The following GRAMD1B variants were observed in gnomAD, a reference collection of about 807,000 sequenced individuals.
The protein encoded by GRAMD1B is protein Aster-B.
GRAMD1B carries 37 observed loss-of-function variants against 99.7 expected under a neutral mutation model. The ratio of observed to expected loss-of-function variants is 0.37; its 90% confidence interval spans 0.29 to 0.49. The LOEUF is 0.49. Ranked by LOEUF, GRAMD1B falls within the 20% of genes least tolerant of loss-of-function variation. GRAMD1B has a pLI of 0.98. For synonymous variants in GRAMD1B, 427 were observed against 387.6 expected, an observed-to-expected ratio of 1.10 and a Z score of -1.19; for missense variants, 888 against 1,009.2, an observed-to-expected ratio of 0.88 and a Z score of 1.63.
intron 2 of GRAMD1B, among the ~76,000 whole-genome samples, chr11:123,535,499 G>A (rs779180871): frequency 5.3e-5 from 8 of 152,132 alleles, no homozygotes; most frequent in Non-Finnish European, 1.2e-4. Context: ...ACAATTGAGA[G>A]AAGGTTTGCT....
intron 1 of GRAMD1B, among the ~76,000 whole-genome samples, chr11:123,382,444 T>G (rs1946910522): frequency 6.6e-6 from 1 of 152,184 alleles, no homozygotes; most frequent in African/African-American, 2.4e-5. Context: ...GATTTTTAAA[T>G]TATTTTGGCT....
At chr11:123,369,599 C>T (rs753679355) in intron 1 of GRAMD1B, among the ~76,000 whole-genome samples, 1 of 152,074 alleles carries the variant, frequency 6.6e-6, no homozygotes, top group East Asian at 1.9e-4. Context: ...TGGCCAGGCA[C>T]GGTGGCTCAT....
intron 2 of GRAMD1B, among the ~76,000 whole-genome samples, chr11:123,521,735 T>C (rs990195894): frequency 6.6e-6 from 1 of 152,232 alleles, no homozygotes; most frequent in Non-Finnish European, 1.5e-5. Flanking sequence ...TGTACATTTC[T>C]TTCAAGTTTA....
intron 1 of GRAMD1B, among the ~76,000 whole-genome samples, chr11:123,410,857 A>G (rs1277934053): frequency 6.6e-6 from 1 of 152,040 alleles, no homozygotes; most frequent in African/African-American, 2.4e-5. Context: ...GGCAAGCTTT[A>G]TTTTATTTAT....
chr11:123,396,383 C>T (rs887205832), intron 1 of GRAMD1B, among the ~76,000 whole-genome samples: 1 of 151,946 alleles, frequency 6.6e-6, no homozygotes, highest in African/African-American at 2.4e-5. Flanking sequence ...TTAAGCAATT[C>T]TCCTGCCTCA....
intron 1 of GRAMD1B, among the ~76,000 whole-genome samples, chr11:123,396,566 A>G (rs988280978): frequency 6.6e-6 from 1 of 151,640 alleles, no homozygotes; most frequent in Non-Finnish European, 1.5e-5. Context: ...ATGAGCCACC[A>G]CTCCCAGCCC....
intron 1 of GRAMD1B, among the ~76,000 whole-genome samples, chr11:123,367,925 C>T (rs937117739): frequency 4.6e-5 from 7 of 151,850 alleles, no homozygotes; most frequent in East Asian, 1.9e-4. Flanking sequence ...CATCAAAATT[C>T]GGTAGCAGGT....
chr11:123,506,354 C>T (rs1416262569), intron 2 of GRAMD1B, among the ~76,000 whole-genome samples: 1 of 151,910 alleles, frequency 6.6e-6, no homozygotes, highest in African/African-American at 2.4e-5. Context: ...ACCCACGCCC[C>T]TGCCAGAACT....
intron 1 of GRAMD1B, among the ~76,000 whole-genome samples, chr11:123,466,045 G>C (rs1026735047): frequency 2.6e-5 from 4 of 152,058 alleles, no homozygotes; most frequent in African/African-American, 9.7e-5. Context: ...TGGGGCCTAC[G>C]CGGGCGGATC....
At chr11:123,560,232 G>T (rs1946585528) in intron 2 of GRAMD1B, 1 of 1,067,506 alleles carries the variant, frequency 9.4e-7, no homozygotes, top group African/African-American at 1.7e-5. Context: ...GTGTCTGAGT[G>T]TGTCTGTGCG....
chr11:123,546,983 G>A (rs74905964), intron 2 of GRAMD1B, among the ~76,000 whole-genome samples: 1,881 of 152,254 alleles, frequency 0.012, 44 homozygotes, highest in African/African-American at 0.041. Context: ...GACACAACCT[G>A]TCAACCTGTC....
intron 2 of GRAMD1B, among the ~76,000 whole-genome samples, chr11:123,527,444 A>G (rs1942906858): frequency 6.6e-6 from 1 of 152,324 alleles, no homozygotes; most frequent in Non-Finnish European, 1.5e-5. Flanking sequence ...GTAACTCTCA[A>G]GAACTGCGAG....
rs569449715 is a variant in GRAMD1B, at chr11:123,456,913, C to G, written c.375-23903C>G. ...CCAGCCTGGGCGACAGAGGGAGACT[C>G]TGTCTCAAAAAAAAAAAAAAAAAAG... is the stretch of plus-strand genomic sequence containing the variant. On this transcript the variant is annotated intron_variant, in intron 1 of 19. Coordinates refer to ENST00000635736, the MANE Select transcript of GRAMD1B (RefSeq NM_001387025.1). Among the ~76,000 whole-genome samples, 133 of 114,034 alleles carry G rather than the reference C, an allele frequency of 1.2e-3. 1 individual carries two copies. The highest frequency in any genetic ancestry group is 6.0e-4 in the Non-Finnish European group (34 of 56,988). The allele number at this position is 114,034 out of a possible 152,430, so 74.8% of individuals were successfully genotyped here. A position where few individuals can be genotyped will look rare whatever the true frequency, so the allele number is the denominator to read the frequency against.
At chr11:123,407,954 A>G (rs1000449800) in intron 1 of GRAMD1B, among the ~76,000 whole-genome samples, 6 of 152,214 alleles carry the variant, frequency 3.9e-5, no homozygotes, top group African/African-American at 1.4e-4. Context: ...ATCTAAAGTG[A>G]TGAGGTTTTT....
rs1208823961 is a variant in GRAMD1B at position 123,622,502 on chromosome 11, G to C, written c.2545-4G>C. On this transcript the variant is annotated splice_region_variant and splice_polypyrimidine_tract_variant and intron_variant, in intron 19 of 19. Coordinates refer to ENST00000635736, the MANE Select transcript of GRAMD1B (RefSeq NM_001387025.1). Reference sequence around the variant, plus strand: ...GGCCTGGGGTGGGGTTTTCTGTCTTGCAGATGAAGGACTCGCTCATCAACC... The same window carrying C: ...GGCCTGGGGTGGGGTTTTCTGTCTTCCAGATGAAGGACTCGCTCATCAACC... The C allele has an allele frequency of 6.5e-7, 1 of 1,541,152 alleles. No individual in the cohort carries two copies. The highest frequency in any genetic ancestry group is 1.9e-5 in the Admixed American group (1 of 51,514).
In GRAMD1B at chr11:123,510,193, G is replaced by A. The variant is rs541151157; in HGVS notation, c.452+29300G>A. On this transcript the variant is annotated intron_variant, in intron 2 of 19. Transcript: ENST00000635736. This position sits in a 1 kb window ranked among gnomAD's most constrained non-coding sequence, Gnocchi z 4.3. ...TTGAGGTTCTCACACCCGCCTGCCC[G>A]CCACCAGCTGCTGACCTTCTCCCTT... 1.6e-4 allele frequency among the ~76,000 whole-genome samples: 25 copies of A among 152,222 alleles called. No homozygotes were observed. The East Asian group carries it at 2.5e-3, about 15-fold the overall frequency.
At chr11:123,455,151 A>G (rs1950057714) in intron 1 of GRAMD1B, among the ~76,000 whole-genome samples, 1 of 152,210 alleles carries the variant, frequency 6.6e-6, no homozygotes, top group South Asian at 2.1e-4. Flanking sequence ...ATTTAAGTCT[A>G]TTTTTTGCCC....
chr11:123,538,288 T>C (rs1944163526), intron 2 of GRAMD1B, among the ~76,000 whole-genome samples: 1 of 152,190 alleles, frequency 6.6e-6, no homozygotes, highest in South Asian at 2.1e-4. Flanking sequence ...TGACTTATAC[T>C]ACTCTGTTTC....
chr11:123,507,353 T>G (rs765010752), intron 2 of GRAMD1B, among the ~76,000 whole-genome samples: 1 of 152,206 alleles, frequency 6.6e-6, no homozygotes, highest in African/African-American at 2.4e-5. Flanking sequence ...AAGTTTATTG[T>G]ATTCAAGACC....
Sources: allele counts gnomAD v4.1 joint callset (sites outside exome capture counted in the v4.1 genomes callset), GRCh38; gene constraint gnomAD v4.1.1; non-coding constraint Gnocchi (gnomAD v3.1); transcripts MANE v1.5; gene names NCBI Gene and HGNC (gene_info 2026-07-23, HGNC 2026-07-21).